CCDC85A: variants seen among roughly 807,000 people sequenced by gnomAD.
CCDC85A encodes coiled-coil domain containing 85A.
Under a neutral mutation model 50.2 loss-of-function variants are expected in CCDC85A, and 38 were observed. That is an observed-to-expected ratio of 0.76 (90% CI 0.58 to 0.99). The LOEUF is 0.99. Ranked by LOEUF, CCDC85A falls within the 50% of genes least tolerant of loss-of-function variation. CCDC85A has a pLI of 0.00. For synonymous variants in CCDC85A, 366 were observed against 301.4 expected (o/e 1.21, Z -2.22); for missense variants, 820 against 742.0 (o/e 1.11, Z -1.22).
At chr2:56,292,499 C>T (rs923386135) in intron 2 of CCDC85A, among the ~76,000 whole-genome samples, 4 of 152,202 alleles carry the variant, frequency 2.6e-5, no homozygotes, top group Non-Finnish European at 4.4e-5. Flanking sequence ...CTGCCTTCCA[C>T]AACCCTCTCT....
chr2:56,201,742 T>C (rs1676756150), intron 2 of CCDC85A, among the ~76,000 whole-genome samples: 1 of 152,132 alleles, frequency 6.6e-6, no homozygotes, highest in Admixed American at 6.5e-5. Context: ...TTTAATTCAG[T>C]TAAATGAGAA....
At chr2:56,326,236 G>A (rs1464451596) in intron 2 of CCDC85A, among the ~76,000 whole-genome samples, 1 of 152,076 alleles carries the variant, frequency 6.6e-6, no homozygotes, top group African/African-American at 2.4e-5. Context: ...TCTCTAAGCT[G>A]TCAATCTTTT....
At chr2:56,251,120 G>A (rs948170727) in intron 2 of CCDC85A, among the ~76,000 whole-genome samples, 4 of 152,152 alleles carry the variant, frequency 2.6e-5, no homozygotes, top group Non-Finnish European at 5.9e-5. Flanking sequence ...GGTATCTCCT[G>A]GGATCTATAA....
intron 2 of CCDC85A, among the ~76,000 whole-genome samples, chr2:56,213,699 T>G (rs1383075000): frequency 6.6e-6 from 1 of 151,942 alleles, no homozygotes; most frequent in African/African-American, 2.4e-5. Flanking sequence ...GAACAGAGAC[T>G]AATGAACTTT....
In CCDC85A at chr2:56,364,495, TAAATGTTTTG is replaced by T. The variant is rs1429902687; in HGVS notation, c.1318-7848_1318-7839del. On this transcript the variant is annotated intron_variant, in intron 3 of 5. Coordinates refer to ENST00000407595, the MANE Select transcript of CCDC85A (RefSeq NM_001080433.2). The stretch of plus-strand genomic sequence containing the variant: ...CATGAAGTTAATATCATTTTAAATT[TAAATGTTTTG>T]CAAACTCTCTTATTTCACATGTCAG... Among the ~76,000 whole-genome samples, 8 of 152,350 alleles carry T rather than the reference TAAATGTTTTG, an allele frequency of 5.3e-5. No homozygotes were observed. The East Asian group carries it at 1.5e-3, about 29-fold the overall frequency.
intron 2 of CCDC85A, among the ~76,000 whole-genome samples, chr2:56,259,028 A>T (rs1670107059): frequency 6.6e-6 from 1 of 152,130 alleles, no homozygotes; most frequent in African/African-American, 2.4e-5. Context: ...ACCACCTTGA[A>T]GGCACAGGTG....
At chr2:56,321,673 C>G (rs3002961) in intron 2 of CCDC85A, among the ~76,000 whole-genome samples, 1 of 152,196 alleles carries the variant, frequency 6.6e-6, no homozygotes, top group Non-Finnish European at 1.5e-5. Context: ...ACGTTCCATG[C>G]TCGTGGATAC....
Position 56,281,122 on chromosome 2 carries a change from A to G in CCDC85A, c.1241-61757A>G, listed in dbSNP as rs542841718. On this transcript the variant is annotated intron_variant, in intron 2 of 5. Transcript: ENST00000407595. ...GAATCTCTAAACCATTTAGGTGGCC[A>G]CTATTCTTATTTATATCACATACAT... Among the ~76,000 whole-genome samples the G allele has an allele frequency of 3.9e-5, 6 of 152,246 alleles. No individual in the cohort carries two copies. The South Asian group carries it at 1.2e-3, about 32-fold the overall frequency.
At chr2:56,330,184 T>C (rs1168337747) in intron 2 of CCDC85A, among the ~76,000 whole-genome samples, 7 of 152,078 alleles carry the variant, frequency 4.6e-5, no homozygotes, top group Non-Finnish European at 1.0e-4. Flanking sequence ...ATTTTAACCC[T>C]GAATAGCTGT....
intron 2 of CCDC85A, among the ~76,000 whole-genome samples, chr2:56,312,939 A>G (rs1672761390): frequency 6.6e-6 from 1 of 152,218 alleles, no homozygotes; most frequent in Non-Finnish European, 1.5e-5. Flanking sequence ...AAAGCAGGAT[A>G]ACTAAGTTTG....
Position 56,184,054 on chromosome 2 carries a change from G to C in CCDC85A, c.-571G>C. 7 of 984,762 alleles carry C rather than the reference G, an allele frequency of 7.1e-6. No individual in the cohort carries two copies. Among genetic ancestry groups the C allele is most frequent in the Non-Finnish European group, 8.4e-6 (7 of 829,468 alleles). 61.0% of individuals were successfully genotyped at this position (984,762 alleles called of 1,614,324 possible). On this transcript the variant is annotated 5_prime_UTR_variant, in exon 1 of 6. Coordinates refer to ENST00000407595, the MANE Select transcript of CCDC85A (RefSeq NM_001080433.2). Reference sequence around the variant, plus strand: ...CAGCCTAGGAGCGGCCGCGGGCGCAGCGAAGGCGGCAGGAGGAGCGCAGCA... The same window carrying C: ...CAGCCTAGGAGCGGCCGCGGGCGCACCGAAGGCGGCAGGAGGAGCGCAGCA...
intron 2 of CCDC85A, among the ~76,000 whole-genome samples, chr2:56,322,347 T>C (rs1242789367): frequency 1.3e-5 from 2 of 152,018 alleles, no homozygotes; most frequent in African/African-American, 4.8e-5. Context: ...ACCATCAGAG[T>C]GAACAGGCAA....
At chr2:56,321,387 GA>G (rs1206722728) in intron 2 of CCDC85A, among the ~76,000 whole-genome samples, 1 of 152,132 alleles carries the variant, frequency 6.6e-6, no homozygotes, top group African/African-American at 2.4e-5. Context: ...TATATATTTA[GA>G]AAACCCCATC....
At chr2:56,318,123 C>G (rs1230942634) in intron 2 of CCDC85A, among the ~76,000 whole-genome samples, 1 of 152,122 alleles carries the variant, frequency 6.6e-6, no homozygotes, top group African/African-American at 2.4e-5. Context: ...GAAGGAATCA[C>G]ATGACCTTGA....
chr2:56,284,296 A>G (rs1399215240), intron 2 of CCDC85A, among the ~76,000 whole-genome samples: 2 of 152,268 alleles, frequency 1.3e-5, no homozygotes, highest in Non-Finnish European at 2.9e-5. Context: ...TTTGCACTTG[A>G]CAGAATCTGA....
chr2:56,278,058 T>A (rs1558619722), intron 2 of CCDC85A, among the ~76,000 whole-genome samples: 1 of 152,136 alleles, frequency 6.6e-6, no homozygotes, highest in Non-Finnish European at 1.5e-5. Context: ...TGCCATTGGA[T>A]ATGCTGGCCT....
chr2:56,284,805 A>C (rs180886285), intron 2 of CCDC85A, among the ~76,000 whole-genome samples: 1 of 152,300 alleles, frequency 6.6e-6, no homozygotes, highest in East Asian at 1.9e-4. Context: ...ATAAGTATTT[A>C]CAACTTATCT....
chr2:56,348,839 A>G (rs1398228494), intron 3 of CCDC85A, among the ~76,000 whole-genome samples: 3 of 152,126 alleles, frequency 2.0e-5, no homozygotes, highest in Admixed American at 6.5e-5. Context: ...ATAGATATGT[A>G]TCGTTTTGCC....
At chr2:56,334,280 A>G (rs1673968221) in intron 2 of CCDC85A, among the ~76,000 whole-genome samples, 1 of 152,218 alleles carries the variant, frequency 6.6e-6, no homozygotes, top group Admixed American at 6.5e-5. Context: ...CGGGACCTAG[A>G]ACAATACCTG....
Sources: allele counts gnomAD v4.1 joint callset (sites outside exome capture counted in the v4.1 genomes callset), GRCh38; gene constraint gnomAD v4.1.1; transcripts MANE v1.5; gene names NCBI Gene and HGNC (gene_info 2026-07-23, HGNC 2026-07-21).